The following GOLGA3 variants were observed in gnomAD, a reference collection of about 807,000 sequenced individuals.
The protein encoded by GOLGA3 is golgin A3, also known as golgin subfamily A member 3.
GOLGA3 carries 75 observed loss-of-function variants against 169.4 expected under a neutral mutation model. The ratio of observed to expected loss-of-function variants is 0.44; its 90% confidence interval spans 0.37 to 0.54. The LOEUF (loss-of-function observed/expected upper bound fraction) is 0.54, where lower values mean the gene tolerates loss of function less well. Among genes scored for constraint, GOLGA3 ranks in the 20% least tolerant of loss-of-function variants. GOLGA3 has a pLI of 0.00. For missense variants in GOLGA3, 1,899 were observed against 1,930.0 expected (o/e 0.98, Z 0.30); for synonymous variants, 824 against 822.4 (o/e 1.00, Z -0.03).
chr12:132,785,518 G>A (rs2045851020), intron 15 of GOLGA3, among the ~76,000 whole-genome samples: 1 of 151,970 alleles, frequency 6.6e-6, no homozygotes, highest in Non-Finnish European at 1.5e-5. Context: ...TAATTATGTT[G>A]CCCAGGCTGG....
chr12:132,824,896 G>A (rs369093577), intron 1 of GOLGA3, among the ~76,000 whole-genome samples: 23 of 152,266 alleles, frequency 1.5e-4, no homozygotes, highest in Non-Finnish European at 2.9e-4. Flanking sequence ...CAAGAGAACT[G>A]GGGGTCAGCC....
chr12:132,800,570 A>G (rs1050515811), intron 8 of GOLGA3, among the ~76,000 whole-genome samples: 3 of 152,238 alleles, frequency 2.0e-5, no homozygotes, highest in African/African-American at 2.4e-5. Flanking sequence ...TAAAAGGAAC[A>G]TTTGGTGGAA....
intron 4 of GOLGA3, among the ~76,000 whole-genome samples, chr12:132,809,810 T>C (rs970514247): frequency 6.6e-6 from 1 of 152,222 alleles, no homozygotes; most frequent in African/African-American, 2.4e-5. Flanking sequence ...ACTATTCTTG[T>C]TTTATATTTT....
rs1398518951 is a variant in GOLGA3, at chr12:132,816,746, C to T, written c.200G>A (p.Cys67Tyr). 1.2e-6 allele frequency: 2 copies of T among 1,613,606 alleles called. No homozygotes were observed. The highest frequency in any genetic ancestry group is 8.5e-7 in the Non-Finnish European group (1 of 1,179,694). ...SPDGPGQGGL[C>Y]QNGPTPPFPD... is the part of the protein sequence containing the mutation. Reference sequence around the variant, plus strand: ...GAAGGGTGGCGTTGGCCCGTTCTGACAGAGGCCTCCCTGGCCAGGTCCATC... The same window carrying T: ...GAAGGGTGGCGTTGGCCCGTTCTGATAGAGGCCTCCCTGGCCAGGTCCATC... The change falls in exon 3 of 24, where the codon TGT becomes TAT. Residue 67 changes from cysteine to tyrosine, a missense_variant. Cys to Tyr is a radical substitution (Grantham distance 194). Coordinates refer to ENST00000450791, the MANE Select transcript of GOLGA3 (RefSeq NM_001389683.1).
Position 132,816,752 on chromosome 12 carries a change from C to A in GOLGA3, c.194G>T (p.Gly65Val). 8 of 1,613,282 alleles carry A rather than the reference C, an allele frequency of 5.0e-6. No individual in the cohort carries two copies. The East Asian group carries it at 1.8e-4, about 36-fold the overall frequency. The change falls in exon 3 of 24, where the codon GGC becomes GTC. Residue 65 changes from glycine (G) to valine (V), a missense_variant. Transcript: ENST00000450791. ...TGGCGTTGGCCCGTTCTGACAGAGG[C>A]CTCCCTGGCCAGGTCCATCCGGGCT... ...GESPDGPGQG[G>V]LCQNGPTPPF...
At chr12:132,773,431 A>ATTTTTAAT in intron 23 of GOLGA3, 137 bp from the exon 24 acceptor site, 2 of 453,492 alleles carry the variant, frequency 4.4e-6, no homozygotes, top group Non-Finnish European at 7.7e-6. Flanking sequence ...CTGAGACCAC[A>ATTTTTAAT]GAAGCTCAGC....
At position 132,771,306 on chromosome 12, in the gene GOLGA3, G is replaced by A. The variant is rs1329278601; in HGVS notation, c.*1799C>T. The stretch of plus-strand genomic sequence containing the variant: ...CAAAACAGACACCAGACACCGACAT[G>A]AGCACATCTGGCCTGGCCAGTGACT... On this transcript the variant is annotated 3_prime_UTR_variant, in exon 24 of 24. Coordinates refer to ENST00000450791, the MANE Select transcript of GOLGA3 (RefSeq NM_001389683.1). 6.6e-6 allele frequency: 1 copy of A among 152,536 alleles called. No homozygotes were observed. The highest frequency in any genetic ancestry group is 2.4e-5 in the African/African-American group (1 of 41,422). The allele number at this position is 152,536 out of a possible 1,614,324, so 9.4% of individuals were successfully genotyped here.
At chr12:132,800,825 G>A (rs757079373) in intron 8 of GOLGA3, among the ~76,000 whole-genome samples, 23 of 152,158 alleles carry the variant, frequency 1.5e-4, no homozygotes, top group Non-Finnish European at 2.9e-4. Context: ...CGGGCATGGT[G>A]GCAAATGTCT....
At chr12:132,779,633 G>A (rs1297157459) in intron 18 of GOLGA3, among the ~76,000 whole-genome samples, 1 of 152,168 alleles carries the variant, frequency 6.6e-6, no homozygotes, top group Non-Finnish European at 1.5e-5. Context: ...GTTCTTTCCT[G>A]CCTTTCTCTA....
intron 3 of GOLGA3, among the ~76,000 whole-genome samples, 176 bp downstream of exon 3, chr12:132,816,364 C>T (rs1383788620): frequency 6.6e-6 from 1 of 152,226 alleles, no homozygotes; most frequent in Non-Finnish European, 1.5e-5. Flanking sequence ...CCTGCATCTT[C>T]ACTCTCTAAC....
At chr12:132,803,772 G>A (rs922384576) in intron 7 of GOLGA3, among the ~76,000 whole-genome samples, 10 of 152,194 alleles carry the variant, frequency 6.6e-5, no homozygotes, top group East Asian at 5.8e-4. Context: ...TAGGCGGACC[G>A]GCTCACATGG....
chr12:132,784,039 A>ACAC, intron 16 of GOLGA3, 125 bp downstream of exon 16: 2 of 1,534,676 alleles, frequency 1.3e-6, no homozygotes, highest in Non-Finnish European at 1.7e-6. Context: ...GAAGGTGGCA[A>ACAC]CACCAAAAGT....
In GOLGA3 at chr12:132,774,277, G is replaced by A. The variant is rs766370196; in HGVS notation, c.4187C>T (p.Thr1396Met). 21 of 1,612,716 alleles carry A rather than the reference G, an allele frequency of 1.3e-5. No individual in the cohort carries two copies. Among genetic ancestry groups the A allele is most frequent in the East Asian group, 6.7e-5 (3 of 44,894 alleles). Residue 1396 changes from threonine (T) to methionine (M), a missense_variant, in exon 23 of 24, where the codon ACG (threonine) becomes ATG (methionine). Physicochemically the swap from Thr to Met is moderately conservative, Grantham distance 81 (BLOSUM62 -1). Transcript: ENST00000450791. ...TGGGCAGTCCGGGATCTTGATGGGC[G>A]TGGCAGGGTTGGAAGAGCTGGCCTC... Reference protein sequence around the residue: ...KGEASSSNPATPIKIPDCPVP... With the variant: ...KGEASSSNPAMPIKIPDCPVP...
chr12:132,804,538 G>A lies in GOLGA3; in HGVS notation c.1597+178C>T, dbSNP rs1188818343. On this transcript the variant is annotated intron_variant, in intron 7 of 23. Coordinates refer to ENST00000450791, the MANE Select transcript of GOLGA3 (RefSeq NM_001389683.1). The surrounding 1 kb of genome is among the most constrained non-coding windows in gnomAD (Gnocchi z 4.1). ...TGGCGAGGACCAGTCAGGGAAGGAG[G>A]GCGTGGCGGGGACCAGTCGAGGAAG... 6.6e-6 allele frequency among the ~76,000 whole-genome samples: 1 copy of A among 151,818 alleles called. No individual in the cohort carries two copies. Among genetic ancestry groups the A allele is most frequent in the Non-Finnish European group, 1.5e-5 (1 of 67,940 alleles).
Position 132,792,651 on chromosome 12 carries a change from G to A in GOLGA3, c.2470-1358C>T, listed in dbSNP as rs545841218. Among the ~76,000 whole-genome samples, 17 of 148,368 alleles carry A rather than the reference G, an allele frequency of 1.1e-4. 1 individual carries two copies. In the East Asian group the frequency reaches 2.8e-3, roughly 25 times the overall value. On this transcript the variant is annotated intron_variant, in intron 11 of 23. Transcript: ENST00000450791. ...AGGGCTCCACACAGACCGACCGCAC[G>A]GGACCTGCACTCGGAGGGCTCCACA... is the stretch of plus-strand genomic sequence containing the variant.
In GOLGA3 at chr12:132,777,014, G is replaced by A. The variant is rs1233331164; in HGVS notation, c.3799C>T (p.Leu1267Phe). The A allele has an allele frequency of 6.2e-7, 1 of 1,611,718 alleles. No homozygotes were observed. Residue 1267 changes from leucine to phenylalanine, a missense_variant, in exon 20 of 24, where the codon CTC (leucine) becomes TTC (phenylalanine). Leu to Phe is a conservative substitution (Grantham distance 22). Transcript: ENST00000450791. This position sits in a 1 kb window ranked among gnomAD's most constrained non-coding sequence, Gnocchi z 4.7. Reference sequence around the variant, plus strand: ...TGCTCGTCCAGCTGCTTCTGCAGGAGCTGGAGCTGTGCCCGGGCCTCGGCC... The same window carrying A: ...TGCTCGTCCAGCTGCTTCTGCAGGAACTGGAGCTGTGCCCGGGCCTCGGCC... ...ELAEARAQLQ[L>F]LQKQLDEQLS...
At chr12:132,824,131 C>T (rs905286688) in intron 1 of GOLGA3, among the ~76,000 whole-genome samples, 2 of 152,192 alleles carry the variant, frequency 1.3e-5, no homozygotes, top group African/African-American at 4.8e-5. Context: ...GGCTGGTCCT[C>T]GAGAGCATGT....
At chr12:132,780,465 T>C (rs1200305282) in intron 18 of GOLGA3, among the ~76,000 whole-genome samples, 5 of 152,230 alleles carry the variant, frequency 3.3e-5, no homozygotes, top group Non-Finnish European at 7.3e-5. Flanking sequence ...ACCACCCCTC[T>C]TATCTGCCGA....
In GOLGA3 at chr12:132,795,878, C is replaced by T. The variant is rs1030061406; in HGVS notation, c.2443G>A (p.Glu815Lys). The stretch of plus-strand genomic sequence containing the variant: ...TGGCCGGATTTGATAGCTAATTCTT[C>T]TCTTAACTTCTCTAAAGTTTCCGAC... ...ETSETLEKLREELAIKSGQVE... is the reference protein window; with the variant it reads ...ETSETLEKLRKELAIKSGQVE... The change falls in exon 11 of 24, where the codon GAA becomes AAA. Residue 815 changes from glutamate to lysine, a missense_variant. Glu to Lys is a moderately conservative substitution (Grantham distance 56, BLOSUM62 1). Coordinates refer to ENST00000450791, the MANE Select transcript of GOLGA3 (RefSeq NM_001389683.1). 1 of 1,613,722 alleles carries T rather than the reference C, an allele frequency of 6.2e-7. No homozygotes were observed. The highest frequency in any genetic ancestry group is 8.5e-7 in the Non-Finnish European group (1 of 1,179,628).
Sources: gnomAD v4.1 joint callset for allele counts (sites outside exome capture counted in the v4.1 genomes callset) on GRCh38, gnomAD v4.1.1 for gene constraint, Gnocchi (gnomAD v3.1) non-coding constraint, MANE v1.5 for transcripts, NCBI Gene and HGNC (gene_info 2026-07-23, HGNC 2026-07-21) for gene names.